PPM1E: variants seen among roughly 807,000 people sequenced by gnomAD.
PPM1E encodes the protein protein phosphatase 1E.
A neutral mutation model predicts 65.9 loss-of-function variants in PPM1E; 20 were observed. That is an observed-to-expected ratio of 0.30 (90% CI 0.21 to 0.44). The LOEUF (loss-of-function observed/expected upper bound fraction) is 0.44, where lower values mean the gene tolerates loss of function less well. PPM1E is among the 20% of genes least tolerant of loss of function. The pLI is 1.00. For missense variants in PPM1E, 713 were observed against 953.1 expected (o/e 0.75, Z 3.32); for synonymous variants, 352 against 374.9 (o/e 0.94, Z 0.70).
intron 1 of PPM1E, among the ~76,000 whole-genome samples, chr17:58,772,000 A>G (rs558750628): frequency 6.6e-6 from 1 of 152,256 alleles, no homozygotes; most frequent in South Asian, 2.1e-4. Flanking sequence ...CACCTTACAT[A>G]CTGTTATTCT....
At chr17:58,812,261 G>A (rs894173212) in intron 1 of PPM1E, among the ~76,000 whole-genome samples, 2 of 124,364 alleles carry the variant, frequency 1.6e-5, no homozygotes, top group Admixed American at 2.1e-4. Flanking sequence ...CCCACATTGC[G>A]CCACTGAACT....
intron 1 of PPM1E, among the ~76,000 whole-genome samples, chr17:58,805,310 C>T (rs1329268633): frequency 1.3e-5 from 2 of 152,074 alleles, no homozygotes; most frequent in East Asian, 1.9e-4. Flanking sequence ...GAGTGCAATG[C>T]CGCGATCTCG....
intron 1 of PPM1E, among the ~76,000 whole-genome samples, chr17:58,893,879 T>C (rs879816417): frequency 1.3e-5 from 2 of 152,094 alleles, no homozygotes; most frequent in Non-Finnish European, 2.9e-5. Flanking sequence ...AAGACCAGCT[T>C]GGGCAACATA....
At chr17:58,852,913 TA>T (rs1210204457) in intron 1 of PPM1E, among the ~76,000 whole-genome samples, 1 of 152,216 alleles carries the variant, frequency 6.6e-6, no homozygotes, top group Non-Finnish European at 1.5e-5. Flanking sequence ...ACCATTTGTA[TA>T]TCTTCTTTGG....
intron 1 of PPM1E, among the ~76,000 whole-genome samples, chr17:58,880,283 T>C (rs1050391757): frequency 2.6e-5 from 4 of 152,204 alleles, no homozygotes; most frequent in Non-Finnish European, 4.4e-5. Context: ...AAGGATCTTT[T>C]TGCACCTGCT....
intron 1 of PPM1E, among the ~76,000 whole-genome samples, chr17:58,906,964 C>T (rs2051565554): frequency 6.6e-6 from 1 of 152,108 alleles, no homozygotes; most frequent in African/African-American, 2.4e-5. Context: ...TGGCCAGGCC[C>T]AGGGGCTTAC....
At chr17:58,888,363 T>TC (rs1031619495) in intron 1 of PPM1E, among the ~76,000 whole-genome samples, 8 of 44,328 alleles carry the variant, frequency 1.8e-4, no homozygotes, top group East Asian at 4.4e-4. Context: ...CTCTTCTCTC[T>TC]TTTTTTTTTT....
chr17:58,814,961 T>G (rs1019123182), intron 1 of PPM1E, among the ~76,000 whole-genome samples: 1 of 152,216 alleles, frequency 6.6e-6, no homozygotes, highest in African/African-American at 2.4e-5. Flanking sequence ...ATAAATTACT[T>G]ATAGCACAGA....
chr17:58,804,867 A>G (rs1361884946), intron 1 of PPM1E, among the ~76,000 whole-genome samples: 2 of 152,102 alleles, frequency 1.3e-5, no homozygotes, highest in Admixed American at 1.3e-4. Context: ...AGTATTTATC[A>G]TTTTTATATG....
chr17:58,769,588 C>A lies in PPM1E; in HGVS notation c.464+13127C>A, dbSNP rs1248785812. On this transcript the variant is annotated intron_variant, in intron 1 of 6. Coordinates refer to ENST00000308249, the MANE Select transcript of PPM1E (RefSeq NM_014906.5). Reference sequence around the variant, plus strand: ...TCAAGATCGCACCACTGCACTCCAGCCTGAGTGATAGAGCCAGACCTTGTC... The same window carrying A: ...TCAAGATCGCACCACTGCACTCCAGACTGAGTGATAGAGCCAGACCTTGTC... 2.0e-5 allele frequency among the ~76,000 whole-genome samples: 3 copies of A among 152,046 alleles called. No individual in the cohort carries two copies. In the East Asian group the frequency reaches 5.8e-4, roughly 29 times the overall value.
intron 1 of PPM1E, among the ~76,000 whole-genome samples, chr17:58,826,317 A>G (rs943862718): frequency 1.3e-5 from 2 of 151,888 alleles, no homozygotes; most frequent in South Asian, 2.1e-4. Context: ...AAAAAAAAAA[A>G]AAAAGAAAAG....
At chr17:58,908,363 G>A (rs1038722388) in intron 1 of PPM1E, among the ~76,000 whole-genome samples, 1 of 151,882 alleles carries the variant, frequency 6.6e-6, no homozygotes, top group Admixed American at 6.6e-5. Flanking sequence ...ACAGGCATGA[G>A]CCACCCGGCC....
intron 1 of PPM1E, among the ~76,000 whole-genome samples, chr17:58,865,939 C>T (rs188613412): frequency 1.5e-3 from 225 of 152,264 alleles, no homozygotes; most frequent in Non-Finnish European, 2.5e-3. Flanking sequence ...GGTAAAGGGC[C>T]ACCAGACAAG....
At chr17:58,778,780 A>G (rs1305326266) in intron 1 of PPM1E, among the ~76,000 whole-genome samples, 1 of 151,892 alleles carries the variant, frequency 6.6e-6, no homozygotes, top group African/African-American at 2.4e-5. Context: ...GATACAAGCC[A>G]TATGCTCATT....
At chr17:58,928,022 T>G (rs369031156) in intron 1 of PPM1E, among the ~76,000 whole-genome samples, 1 of 151,298 alleles carries the variant, frequency 6.6e-6, no homozygotes, top group Admixed American at 6.6e-5. Flanking sequence ...ATCACACCAC[T>G]GCACTCCAGC....
At chr17:58,789,156 T>C (rs2050131909) in intron 1 of PPM1E, among the ~76,000 whole-genome samples, 1 of 150,386 alleles carries the variant, frequency 6.6e-6, no homozygotes, top group Non-Finnish European at 1.5e-5. Context: ...TTGTTTATAC[T>C]GACTTCTACA....
intron 1 of PPM1E, among the ~76,000 whole-genome samples, chr17:58,773,198 A>G (rs914336093): frequency 6.6e-6 from 1 of 152,176 alleles, no homozygotes; most frequent in Non-Finnish European, 1.5e-5. Flanking sequence ...GTACTAAAAC[A>G]GATCCTTTCA....
intron 1 of PPM1E, among the ~76,000 whole-genome samples, chr17:58,813,475 A>G (rs969892252): frequency 2.6e-5 from 4 of 152,162 alleles, no homozygotes; most frequent in Non-Finnish European, 5.9e-5. Flanking sequence ...CCTTATCCCA[A>G]TGAAAACAGA....
chr17:58,957,344 T>A (rs573432824), intron 2 of PPM1E, among the ~76,000 whole-genome samples: 1 of 152,228 alleles, frequency 6.6e-6, no homozygotes, highest in African/African-American at 2.4e-5. Context: ...AGTGTTGCCC[T>A]ACATGCCTAC....
Sources: gnomAD v4.1 joint callset for allele counts (sites outside exome capture counted in the v4.1 genomes callset) on GRCh38, gnomAD v4.1.1 for gene constraint, MANE v1.5 for transcripts, NCBI Gene and HGNC (gene_info 2026-07-23, HGNC 2026-07-21) for gene names.